The following TIAM1 variants were observed in gnomAD, a reference collection of about 807,000 sequenced individuals.
TIAM1 encodes the protein TIAM Rac1 associated GEF 1, also known as rho guanine nucleotide exchange factor TIAM1.
A neutral mutation model predicts 163.5 loss-of-function variants in TIAM1; 65 were observed. That is an observed-to-expected ratio of 0.40 (90% CI 0.33 to 0.49). The LOEUF is 0.49. Among genes scored for constraint, TIAM1 ranks in the 20% least tolerant of loss-of-function variants. TIAM1 has a pLI of 0.77. For missense variants in TIAM1, 1,789 were observed against 2,044.7 expected (o/e 0.87, Z 2.41); for synonymous variants, 833 against 810.1 (o/e 1.03, Z -0.48).
chr21:31,470,921 C>G (rs1189173880), intron 1 of TIAM1, among the ~76,000 whole-genome samples: 1 of 152,142 alleles, frequency 6.6e-6, no homozygotes, highest in African/African-American at 2.4e-5. Flanking sequence ...ACCCCTCCAG[C>G]CGCCACCCAC....
upstream of TIAM1, among the ~76,000 whole-genome samples, chr21:31,344,586 T>C (rs535176370): frequency 1.1e-4 from 16 of 152,320 alleles, no homozygotes; most frequent in African/African-American, 3.8e-4. Context: ...CCAGCAATGT[T>C]ACATAAGCGC....
At chr21:31,542,720 A>C (rs2048360851) in intron 1 of TIAM1, among the ~76,000 whole-genome samples, 1 of 152,146 alleles carries the variant, frequency 6.6e-6, no homozygotes, top group Non-Finnish European at 1.5e-5. Context: ...TAATCCCAGC[A>C]CTTTGGGAGA....
At chr21:31,292,723 C>G (rs1285399942) in intron 2 of TIAM1, among the ~76,000 whole-genome samples, 1 of 147,600 alleles carries the variant, frequency 6.8e-6, no homozygotes, top group Non-Finnish European at 1.5e-5. Flanking sequence ...GGCTGGAGTG[C>G]AACGCGGTGA....
intron 11 of TIAM1, among the ~76,000 whole-genome samples, chr21:31,208,126 C>A (rs1601548698): frequency 1.3e-5 from 2 of 152,296 alleles, no homozygotes; most frequent in East Asian, 3.9e-4. Flanking sequence ...CTGTCAATGA[C>A]AATACTATTC....
chr21:31,296,226 G>C (rs2074258898), intron 2 of TIAM1, among the ~76,000 whole-genome samples: 1 of 151,988 alleles, frequency 6.6e-6, no homozygotes, highest in Non-Finnish European at 1.5e-5. Flanking sequence ...CTATTTCTGG[G>C]GGTAATAAGG....
chr21:31,553,464 A>G (rs1425542316), intron 1 of TIAM1, among the ~76,000 whole-genome samples: 1 of 152,220 alleles, frequency 6.6e-6, no homozygotes, highest in Non-Finnish European at 1.5e-5. Context: ...ACAGAAGGTC[A>G]TGGCAAGAAT....
At chr21:31,521,164 T>C (rs2047568533) in intron 1 of TIAM1, among the ~76,000 whole-genome samples, 1 of 152,218 alleles carries the variant, frequency 6.6e-6, no homozygotes, top group South Asian at 2.1e-4. Context: ...CTCCGCCACC[T>C]TCTCTAAAAA....
At chr21:31,477,474 A>ATTT (rs58353334) in intron 1 of TIAM1, among the ~76,000 whole-genome samples, 33,344 of 131,872 alleles carry the variant, frequency 0.25, 4,671 homozygotes, top group Non-Finnish European at 0.29. Context: ...AACTAAATGC[A>ATTT]TTTTTTTTTT....
intron 23 of TIAM1, among the ~76,000 whole-genome samples, chr21:31,135,363 T>C (rs2082579267): frequency 6.6e-6 from 1 of 152,172 alleles, no homozygotes; most frequent in Non-Finnish European, 1.5e-5. Context: ...TATTAAAAAA[T>C]AAGTCATTCG....
intron 1 of TIAM1, among the ~76,000 whole-genome samples, chr21:31,341,791 T>TAAC (rs1189152865): frequency 1.3e-5 from 2 of 152,208 alleles, no homozygotes; most frequent in East Asian, 3.8e-4. Flanking sequence ...AAAGGCTGTT[T>TAAC]AAGGCCTTTT....
At chr21:31,374,033 TC>T (rs1602123686) in intron 2 of TIAM1, among the ~76,000 whole-genome samples, 1 of 151,942 alleles carries the variant, frequency 6.6e-6, no homozygotes, top group African/African-American at 2.4e-5. Context: ...AAATGGCCTT[TC>T]CCCTCCTTGG....
chr21:31,372,382 C>A (rs147046608), intron 2 of TIAM1, among the ~76,000 whole-genome samples: 1 of 152,274 alleles, frequency 6.6e-6, no homozygotes, highest in African/African-American at 2.4e-5. Context: ...TGCTCACCAC[C>A]ACTGTTAAGC....
chr21:31,265,043 T>C (rs2072677399), intron 4 of TIAM1, among the ~76,000 whole-genome samples: 1 of 152,164 alleles, frequency 6.6e-6, no homozygotes, highest in Non-Finnish European at 1.5e-5. Flanking sequence ...AGTCTCACTA[T>C]GTTGCCCAGG....
intron 2 of TIAM1, among the ~76,000 whole-genome samples, chr21:31,327,878 T>C (rs907057892): frequency 2.0e-5 from 3 of 151,988 alleles, no homozygotes; most frequent in African/African-American, 7.3e-5. Context: ...GGAGAACCTA[T>C]GGACCTAAAC....
intron 2 of TIAM1, among the ~76,000 whole-genome samples, chr21:31,443,305 T>C (rs1438403459): frequency 6.6e-6 from 1 of 152,104 alleles, no homozygotes; most frequent in African/African-American, 2.4e-5. Flanking sequence ...TCCCCAGATA[T>C]TATAAAAGCA....
intron 23 of TIAM1, among the ~76,000 whole-genome samples, chr21:31,134,077 C>A (rs986569529): frequency 1.3e-5 from 2 of 151,930 alleles, no homozygotes; most frequent in African/African-American, 2.4e-5. Flanking sequence ...CCCAGAAAAA[C>A]CAAAAAAACA....
intron 2 of TIAM1, among the ~76,000 whole-genome samples, chr21:31,407,839 T>C (rs1393244280): frequency 6.6e-6 from 1 of 152,012 alleles, no homozygotes; most frequent in Non-Finnish European, 1.5e-5. Flanking sequence ...GGTTTCACCA[T>C]GTTGGCCAGG....
chr21:31,155,654 G>A (rs570215368), intron 16 of TIAM1, among the ~76,000 whole-genome samples: 355 of 152,196 alleles, frequency 2.3e-3, no homozygotes, highest in African/African-American at 7.2e-3. Flanking sequence ...ACAGGCGCCC[G>A]CCACCACGCC....
intron 10 of TIAM1, chr21:31,212,606 C>CT (rs35838120): frequency 0.17 from 15,825 of 93,720 alleles, 2,337 homozygotes; most frequent in East Asian, 0.37. Context: ...GCCTGTGAAT[C>CT]TTTTTTTTTT....
Sources: allele counts gnomAD v4.1 joint callset (sites outside exome capture counted in the v4.1 genomes callset), GRCh38; gene constraint gnomAD v4.1.1; transcripts MANE v1.5; gene names NCBI Gene and HGNC (gene_info 2026-07-23, HGNC 2026-07-21).